KCNIP4: variants seen among roughly 807,000 people sequenced by gnomAD.
KCNIP4 encodes the protein Kv channel-interacting protein 4.
KCNIP4 carries 12 observed loss-of-function variants against 34.0 expected under a neutral mutation model. The ratio of observed to expected loss-of-function variants is 0.35; its 90% CI spans 0.23 to 0.57. The LOEUF is 0.57. Among genes scored for constraint, KCNIP4 ranks in the 20% least tolerant of loss-of-function variants. The pLI, the probability that KCNIP4 is intolerant of heterozygous loss-of-function variation, is 0.83. For synonymous variants in KCNIP4, 124 were observed against 102.2 expected (o/e 1.21, Z -1.29); for missense variants, 238 against 311.7 (o/e 0.76, Z 1.78).
chr4:21,704,350 A>C (rs991847230), intron 1 of KCNIP4, among the ~76,000 whole-genome samples: 3 of 152,198 alleles, frequency 2.0e-5, no homozygotes, highest in Admixed American at 2.0e-4. Context: ...TAAAAGGAAA[A>C]ATTAATAAAT....
intron 1 of KCNIP4, among the ~76,000 whole-genome samples, chr4:21,720,037 G>A (rs7436632): frequency 0.22 from 29,105 of 132,858 alleles, 4,461 homozygotes; most frequent in East Asian, 0.64. Flanking sequence ...GAAGGAGAAG[G>A]AGAAGGAGAA....
rs540349686 is a variant in KCNIP4, at chr4:21,497,672, C to A, written c.61+450899G>T. Among the ~76,000 whole-genome samples the A allele has an allele frequency of 1.1e-4, 16 of 152,276 alleles. No homozygotes were observed. The East Asian group carries it at 2.9e-3, about 28-fold the overall frequency. ...AGGAAGAGTATGTCTCAAACTGTGC[C>A]ATTAGTTATACCACCTTCAAAACGG... On this transcript the variant is annotated intron_variant, in intron 1 of 8. Transcript: ENST00000382152.
At chr4:21,174,322 G>T (rs766999762) in intron 1 of KCNIP4, among the ~76,000 whole-genome samples, 2 of 152,226 alleles carry the variant, frequency 1.3e-5, no homozygotes, top group Non-Finnish European at 2.9e-5. Flanking sequence ...TTGGTTGTTA[G>T]ACTGTCCTGT....
chr4:21,711,335 G>A (rs994101089), intron 1 of KCNIP4, among the ~76,000 whole-genome samples: 11 of 152,102 alleles, frequency 7.2e-5, no homozygotes, highest in African/African-American at 2.4e-4. Context: ...AGTTGGGTGT[G>A]GTGACATGCA....
At position 21,854,496 on chromosome 4, in the gene KCNIP4, A is replaced by G. The variant is rs1333826934; in HGVS notation, c.61+94075T>C. On this transcript the variant is annotated intron_variant, in intron 1 of 8. Transcript: ENST00000382152. The stretch of plus-strand genomic sequence containing the variant: ...TGGTCTTCTCCCCTTTTGAGTGTTT[A>G]TGACCCCAATTGCTTAAATTCCCCC... Among the ~76,000 whole-genome samples the G allele has an allele frequency of 2.0e-5, 3 of 152,214 alleles. No homozygotes were observed. The East Asian group carries it at 5.8e-4, about 29-fold the overall frequency.
intron 1 of KCNIP4, among the ~76,000 whole-genome samples, chr4:21,101,603 CA>C (rs1376240440): frequency 8.5e-5 from 13 of 152,102 alleles, no homozygotes; most frequent in Admixed American, 3.9e-4. Context: ...TGGAGAGTGT[CA>C]ATGGGAGTGA....
chr4:21,690,914 AACAT>A (rs1212561619), intron 1 of KCNIP4, among the ~76,000 whole-genome samples: 1 of 152,218 alleles, frequency 6.6e-6, no homozygotes, highest in African/African-American at 2.4e-5. Context: ...AATGTAAAAA[AACAT>A]ACAGAGAAAT....
intron 1 of KCNIP4, among the ~76,000 whole-genome samples, chr4:21,107,554 A>C (rs1044238176): frequency 2.7e-5 from 4 of 149,052 alleles, no homozygotes; most frequent in African/African-American, 1.0e-4. Flanking sequence ...TCTTTATCCA[A>C]TTTGCCAGTC....
rs531649504 is a variant in KCNIP4, at chr4:21,552,069, A to C, written c.61+396502T>G. On this transcript the variant is annotated intron_variant, in intron 1 of 8. Coordinates refer to ENST00000382152, the MANE Select transcript of KCNIP4 (RefSeq NM_025221.6). Reference sequence around the variant, plus strand: ...AAAAAAAAACAAAAAACAACAACAAAAAAAAACCTTTGTGTTACAATATAT... The same window carrying C: ...AAAAAAAAACAAAAAACAACAACAACAAAAAACCTTTGTGTTACAATATAT... Among the ~76,000 whole-genome samples the C allele has an allele frequency of 4.4e-3, 669 of 151,706 alleles. 5 individuals are homozygous for C. The highest frequency in any genetic ancestry group is 0.015 in the African/African-American group (608 of 41,438).
chr4:21,745,476 T>A (rs189563968), intron 1 of KCNIP4, among the ~76,000 whole-genome samples: 88 of 152,292 alleles, frequency 5.8e-4, no homozygotes, highest in Admixed American at 3.0e-3. Flanking sequence ...GAAAATATCT[T>A]ACATGAGACA....
At chr4:21,209,049 T>C (rs1641974014) in intron 1 of KCNIP4, among the ~76,000 whole-genome samples, 1 of 152,144 alleles carries the variant, frequency 6.6e-6, no homozygotes, top group African/African-American at 2.4e-5. Flanking sequence ...ATAAGGATTA[T>C]GGAGATTACA....
chr4:21,682,741 T>A (rs943094499), intron 1 of KCNIP4, among the ~76,000 whole-genome samples: 33 of 152,092 alleles, frequency 2.2e-4, no homozygotes, highest in African/African-American at 8.0e-4. Context: ...TACTGTTGTA[T>A]CTCAGGAAAT....
chr4:21,446,274 G>A (rs540445261), intron 1 of KCNIP4, among the ~76,000 whole-genome samples: 74 of 152,204 alleles, frequency 4.9e-4, no homozygotes, highest in Admixed American at 2.9e-3. Flanking sequence ...CCATTACTGG[G>A]TATATACCCA....
At chr4:20,731,650 G>C in intron 8 of KCNIP4, 1 of 985,170 alleles carries the variant, frequency 1.0e-6, no homozygotes, top group Non-Finnish European at 1.2e-6. Context: ...TAATGCTGTG[G>C]AGATATGATA....
At chr4:21,938,103 G>A (rs1729971235) in intron 1 of KCNIP4, among the ~76,000 whole-genome samples, 1 of 152,020 alleles carries the variant, frequency 6.6e-6, no homozygotes, top group Admixed American at 6.6e-5. Flanking sequence ...CCAGCCTCAG[G>A]ACCACAGTTC....
rs141917952 is a variant in KCNIP4 at position 21,034,619 on chromosome 4, T to C, written c.62-151910A>G. Reference sequence around the variant, plus strand: ...AGCCTGAGAAATGATGGTCGAATGATGGTTGAAGTGATGGTTTCTGTCAGT... The same window carrying C: ...AGCCTGAGAAATGATGGTCGAATGACGGTTGAAGTGATGGTTTCTGTCAGT... On this transcript the variant is annotated intron_variant, in intron 1 of 8. Transcript: ENST00000382152. Among the ~76,000 whole-genome samples the C allele has an allele frequency of 3.1e-3, 473 of 152,262 alleles. 2 individuals are homozygous for C. Among genetic ancestry groups the C allele is most frequent in the African/African-American group, 0.011 (448 of 41,540 alleles).
In KCNIP4 at chr4:21,667,065, T is replaced by C. The variant is rs112106851; in HGVS notation, c.61+281506A>G. 5.2e-3 allele frequency among the ~76,000 whole-genome samples: 794 copies of C among 152,264 alleles called. 6 individuals carry two copies. Among genetic ancestry groups the C allele is most frequent in the African/African-American group, 0.018 (745 of 41,548 alleles). On this transcript the variant is annotated intron_variant, in intron 1 of 8. Coordinates refer to ENST00000382152, the MANE Select transcript of KCNIP4 (RefSeq NM_025221.6). ...ACTATAACATTAGAAAATCCAGTTA[T>C]ACTCCCCTTCCAGACACACCCCATG...
In KCNIP4 at chr4:21,569,287, A is replaced by G. The variant is rs558213795; in HGVS notation, c.61+379284T>C. Among the ~76,000 whole-genome samples the G allele has an allele frequency of 1.9e-4, 27 of 144,080 alleles. No homozygotes were observed. In the East Asian group the frequency reaches 5.6e-3, roughly 30 times the overall value. The allele number at this position is 144,080 out of a possible 152,430, so 94.5% of individuals were successfully genotyped here. A position where few individuals can be genotyped will look rare whatever the true frequency, so the allele number is the denominator to read the frequency against. ...AAAAGCTTGATTGACAAGTAAACCC[A>G]GATTTTGTTGAATATTTCAACATAA... On this transcript the variant is annotated intron_variant, in intron 1 of 8. Transcript: ENST00000382152.
At chr4:20,749,811 C>G in intron 4 of KCNIP4, 79 bp from the exon 5 acceptor site, 1 of 893,940 alleles carries the variant, frequency 1.1e-6, no homozygotes, top group Non-Finnish European at 1.8e-6. Flanking sequence ...TCCAAGCTTC[C>G]TTTGATCCAG....
Sources: gnomAD v4.1 joint callset for allele counts (sites outside exome capture counted in the v4.1 genomes callset) on GRCh38, gnomAD v4.1.1 for gene constraint, MANE v1.5 for transcripts, NCBI Gene and HGNC (gene_info 2026-07-23, HGNC 2026-07-21) for gene names.